FBXO15: variants seen among roughly 807,000 people sequenced by gnomAD.
FBXO15 encodes F-box only protein 15.
FBXO15 carries 30 observed loss-of-function variants against 49.5 expected under a neutral mutation model. The ratio of observed to expected loss-of-function variants is 0.61; its 90% CI spans 0.45 to 0.82. FBXO15 has a LOEUF of 0.82. FBXO15 is among the 40% of genes least tolerant of loss of function. The probability of loss-of-function intolerance (pLI) is 0.00; values close to 1 mark genes in which losing one functional copy is unlikely to be tolerated. For missense variants in FBXO15, 591 were observed against 631.5 expected, an observed-to-expected ratio of 0.94 and a Z score of 0.69; for synonymous variants, 250 against 232.7, an observed-to-expected ratio of 1.07 and a Z score of -0.68.
At chr18:74,108,614 A>C (rs1175870147) in intron 8 of FBXO15, among the ~76,000 whole-genome samples, 1 of 152,146 alleles carries the variant, frequency 6.6e-6, no homozygotes, top group Non-Finnish European at 1.5e-5. Context: ...AATAAGAAGA[A>C]AGAGAAGGAA....
chr18:74,116,951 T>C (rs555370228), intron 8 of FBXO15, among the ~76,000 whole-genome samples: 1 of 152,124 alleles, frequency 6.6e-6, no homozygotes, highest in East Asian at 1.9e-4. Flanking sequence ...GCCACCTACA[T>C]TCCACAGACG....
chr18:74,126,104 T>C lies in FBXO15; in HGVS notation c.786-3A>G. ...CAATTAAAGAATGCCATCGGAGTCTTTGAACGTTATGCCAAGGAAAGGAGA... is the reference window on the plus strand; with the variant it reads ...CAATTAAAGAATGCCATCGGAGTCTCTGAACGTTATGCCAAGGAAAGGAGA... On this transcript the variant is annotated splice_region_variant and splice_polypyrimidine_tract_variant and intron_variant, in intron 5 of 9. Coordinates refer to ENST00000419743, the MANE Select transcript of FBXO15 (RefSeq NM_001142958.2). The C allele has an allele frequency of 1.9e-6, 3 of 1,613,408 alleles. No individual in the cohort carries two copies. Among genetic ancestry groups the C allele is most frequent in the Non-Finnish European group, 2.5e-6 (3 of 1,179,564 alleles).
At chr18:74,134,325 G>A (rs867064023) in intron 3 of FBXO15, among the ~76,000 whole-genome samples, 4 of 149,840 alleles carry the variant, frequency 2.7e-5, no homozygotes, top group South Asian at 2.1e-4. Flanking sequence ...GACTAGATTA[G>A]TTATTTCGGA....
rs1438072775 is a variant in FBXO15 at position 74,074,749 on chromosome 18, CA to C, written c.1264-1020del. ...CATTACATACACTAAGCATAAACGTCATTTCATGAACGCTGCTTTCATTGCA... is the reference window on the plus strand; with the variant it reads ...CATTACATACACTAAGCATAAACGTCTTTCATGAACGCTGCTTTCATTGCA... On this transcript the variant is annotated intron_variant, in intron 9 of 9. Coordinates refer to ENST00000419743, the MANE Select transcript of FBXO15 (RefSeq NM_001142958.2). The surrounding 1 kb of genome is among the most constrained non-coding windows in gnomAD (Gnocchi z 4.7). Among the ~76,000 whole-genome samples, 2 of 152,200 alleles carry C rather than the reference CA, an allele frequency of 1.3e-5. No individual in the cohort carries two copies. Among genetic ancestry groups the C allele is most frequent in the Non-Finnish European group, 2.9e-5 (2 of 68,038 alleles).
intron 8 of FBXO15, among the ~76,000 whole-genome samples, chr18:74,082,314 T>A (rs1912538482): frequency 6.6e-6 from 1 of 152,156 alleles, no homozygotes; most frequent in South Asian, 2.1e-4. Flanking sequence ...CGAGCCTGGA[T>A]AGCCACCTGT....
chr18:74,104,970 TA>T (rs1913685404), intron 8 of FBXO15, among the ~76,000 whole-genome samples: 1 of 152,198 alleles, frequency 6.6e-6, no homozygotes, highest in South Asian at 2.1e-4. Flanking sequence ...CAAAATTAAA[TA>T]TTATTCAGCC....
At chr18:74,084,494 G>T (rs2145112050) in intron 8 of FBXO15, among the ~76,000 whole-genome samples, 3 of 152,370 alleles carry the variant, frequency 2.0e-5, no homozygotes, top group Middle Eastern at 6.8e-3. Context: ...ACTGCTGATA[G>T]TTTCACAAGA....
intron 3 of FBXO15, among the ~76,000 whole-genome samples, chr18:74,134,366 A>ATTTTTTTTTTTT (rs34748425): frequency 8.4e-6 from 1 of 119,262 alleles, no homozygotes; most frequent in African/African-American, 3.2e-5. Flanking sequence ...GACCTGGAGA[A>ATTTTTTTTTTTT]TTTTTTTTTT....
chr18:74,086,340 A>G lies in FBXO15; in HGVS notation c.1139-4289T>C, dbSNP rs755736689. Among the ~76,000 whole-genome samples, 6 of 152,344 alleles carry G rather than the reference A, an allele frequency of 3.9e-5. No homozygotes were observed. The South Asian group carries it at 1.0e-3, about 26-fold the overall frequency. On this transcript the variant is annotated intron_variant, in intron 8 of 9. Coordinates refer to ENST00000419743, the MANE Select transcript of FBXO15 (RefSeq NM_001142958.2). ...CTCAGGTTCTGCTGCTAAAGAGCTA[A>G]ACAATCTCCTACCTCTGAGGCCCAT...
intron 8 of FBXO15, among the ~76,000 whole-genome samples, chr18:74,091,574 A>T (rs998715780): frequency 6.6e-6 from 1 of 152,204 alleles, no homozygotes; most frequent in African/African-American, 2.4e-5. Flanking sequence ...CTTGTAAGGC[A>T]GGTCTGATGG....
chr18:74,095,665 G>A (rs1007269554), intron 8 of FBXO15, among the ~76,000 whole-genome samples: 1 of 152,126 alleles, frequency 6.6e-6, no homozygotes, highest in African/African-American at 2.4e-5. Context: ...TAATGAAAAA[G>A]TTTAAAACAT....
chr18:74,090,251 C>A lies in FBXO15; in HGVS notation c.1139-8200G>T, dbSNP rs115103270. On this transcript the variant is annotated intron_variant, in intron 8 of 9. Transcript: ENST00000419743. ...CAGGGTTTTTGTATTCCTCTAGGGT[C>A]AGTGGTAATGCCCCCTTTGTCATTT... 3.5e-3 allele frequency among the ~76,000 whole-genome samples: 529 copies of A among 152,124 alleles called. 1 individual carries two copies. The highest frequency in any genetic ancestry group is 0.012 in the African/African-American group (498 of 41,498).
chr18:74,138,345 C>T (rs930021796), intron 2 of FBXO15, among the ~76,000 whole-genome samples: 2 of 152,164 alleles, frequency 1.3e-5, no homozygotes, highest in African/African-American at 4.8e-5. Flanking sequence ...CCTGCAACAG[C>T]TGTGAGGGGC....
At chr18:74,147,026 A>G (rs1157627531) in intron 1 of FBXO15, 1 of 152,236 alleles carries the variant, frequency 6.6e-6, no homozygotes, top group Non-Finnish European at 1.5e-5. Flanking sequence ...GAGGGATTTC[A>G]TAAGGTACCA....
At chr18:74,138,794 A>G (rs1007167318) in intron 2 of FBXO15, among the ~76,000 whole-genome samples, 11 of 152,118 alleles carry the variant, frequency 7.2e-5, no homozygotes, top group Non-Finnish European at 1.5e-4. Context: ...GCTTCAGCCA[A>G]CAGCTCTGGA....
chr18:74,117,334 G>A lies in FBXO15; in HGVS notation c.1138+6034C>T, dbSNP rs192980289. 1.6e-3 allele frequency among the ~76,000 whole-genome samples: 237 copies of A among 152,084 alleles called. 1 individual carries two copies. The highest frequency in any genetic ancestry group is 4.8e-3 in the African/African-American group (199 of 41,458). ...CCTCATTTAACTTAACCTCTTATGC[G>A]TTATAACAACCATATAACCATCAAG... On this transcript the variant is annotated intron_variant, in intron 8 of 9. Transcript: ENST00000419743.
intron 8 of FBXO15, 125 bp from the exon 9 acceptor site, chr18:74,082,176 AACAT>A: frequency 1.2e-6 from 1 of 855,900 alleles, no homozygotes; most frequent in Non-Finnish European, 1.7e-6. Context: ...CGATGAGGGC[AACAT>A]GGGCACAGCA....
Position 74,123,457 on chromosome 18 carries a change from C to T in FBXO15, c.1049G>A (p.Gly350Glu). The T allele has an allele frequency of 6.2e-7, 1 of 1,613,944 alleles. No individual in the cohort carries two copies. The highest frequency in any genetic ancestry group is 8.5e-7 in the Non-Finnish European group (1 of 1,179,926). Reference protein sequence around the residue: ...SPFLDDSPEYGLHGYQLHVDL... With the variant: ...SPFLDDSPEYELHGYQLHVDL... ...AACATGGAGTTGGTAGCCGTGCAGT[C>T]CATACTCGGGGCTATCATCCAAAAA... Residue 350 changes from glycine (G) to glutamate (E), a missense_variant, in exon 8 of 10, where the codon GGA becomes GAA. Physicochemically the swap from Gly to Glu is moderately conservative, Grantham distance 98 (BLOSUM62 -2). Transcript: ENST00000419743.
chr18:74,087,363 GT>G (rs1912791888), intron 8 of FBXO15, among the ~76,000 whole-genome samples: 1 of 152,208 alleles, frequency 6.6e-6, no homozygotes. Context: ...CCGATAGGTA[GT>G]TTTTGGATCT....
Sources: gnomAD v4.1 joint callset for allele counts (sites outside exome capture counted in the v4.1 genomes callset) on GRCh38, gnomAD v4.1.1 for gene constraint, Gnocchi (gnomAD v3.1) non-coding constraint, MANE v1.5 for transcripts, NCBI Gene and HGNC (gene_info 2026-07-23, HGNC 2026-07-21) for gene names.